The following MNS1 variants were observed in gnomAD, a reference collection of about 807,000 sequenced individuals.
The protein encoded by MNS1 is meiosis-specific nuclear structural protein 1.
Under a neutral mutation model 72.0 loss-of-function variants are expected in MNS1, and 63 were observed. The ratio of observed to expected loss-of-function variants is 0.87; its 90% CI spans 0.71 to 1.08. The LOEUF (loss-of-function observed/expected upper bound fraction) is 1.08. MNS1 is among the 50% of genes least tolerant of loss of function. The pLI is 0.00. For missense variants in MNS1, 604 were observed against 562.4 expected (o/e 1.07, Z -0.75); for synonymous variants, 188 against 172.1 (o/e 1.09, Z -0.72).
At chr15:56,451,318 A>T (rs1470479194) in intron 3 of MNS1, among the ~76,000 whole-genome samples, 2 of 152,210 alleles carry the variant, frequency 1.3e-5, no homozygotes, top group African/African-American at 4.8e-5. Flanking sequence ...AACAAGGGCT[A>T]CCTGCCTCTG....
At chr15:56,461,948 T>C (rs763169478) in intron 2 of MNS1, among the ~76,000 whole-genome samples, 10 of 146,942 alleles carry the variant, frequency 6.8e-5, no homozygotes, top group Non-Finnish European at 1.2e-4. Context: ...ATAACCCTAG[T>C]CAATAACAAA....
chr15:56,452,921 C>A (rs1352394311), intron 3 of MNS1, among the ~76,000 whole-genome samples: 6 of 152,108 alleles, frequency 3.9e-5, no homozygotes, highest in Admixed American at 1.3e-4. Flanking sequence ...AGCCAAAGAC[C>A]AAACTTGCAA....
chr15:56,462,352 T>C (rs2051028960), intron 2 of MNS1, among the ~76,000 whole-genome samples: 2 of 152,194 alleles, frequency 1.3e-5, no homozygotes, highest in Non-Finnish European at 1.5e-5. Flanking sequence ...CACTGATCAA[T>C]ACTGGCATCA....
chr15:56,453,138 T>C (rs2050959227), intron 3 of MNS1, among the ~76,000 whole-genome samples: 1 of 152,226 alleles, frequency 6.6e-6, no homozygotes, highest in African/African-American at 2.4e-5. Flanking sequence ...TGCAAGATTC[T>C]TGACTTTAAC....
chr15:56,439,505 G>A (rs2050783426), intron 7 of MNS1, among the ~76,000 whole-genome samples: 1 of 152,074 alleles, frequency 6.6e-6, no homozygotes, highest in African/African-American at 2.4e-5. Flanking sequence ...TGTAGTATTG[G>A]TGGAGGGATG....
intron 5 of MNS1, among the ~76,000 whole-genome samples, chr15:56,444,125 C>T (rs1354937567): frequency 6.6e-6 from 1 of 151,988 alleles, no homozygotes; most frequent in African/African-American, 2.4e-5. Flanking sequence ...AGCTTTGCAG[C>T]ACTCTATACT....
chr15:56,446,729 A>G (rs2050907034), intron 4 of MNS1, 112 bp downstream of exon 4: 3 of 720,778 alleles, frequency 4.2e-6, no homozygotes, highest in Non-Finnish European at 6.6e-6. Context: ...ACAAATATTT[A>G]AGAAATCTAG....
intron 3 of MNS1, 131 bp from the exon 4 acceptor site, chr15:56,447,074 G>A (rs1196485555): frequency 1.6e-6 from 1 of 629,918 alleles, no homozygotes; most frequent in African/African-American, 1.8e-5. Context: ...TAGATCCATA[G>A]GAGAAATAAT....
At chr15:56,431,343 A>AGAT in intron 9 of MNS1, 30 bp downstream of exon 9, 2 of 1,605,764 alleles carry the variant, frequency 1.2e-6, no homozygotes, top group Non-Finnish European at 1.7e-6. Flanking sequence ...CAGGTCATGA[A>AGAT]GATTACAACT....
chr15:56,463,224 TTAA>T (rs1329530925), intron 2 of MNS1, among the ~76,000 whole-genome samples: 1 of 152,176 alleles, frequency 6.6e-6, no homozygotes, highest in African/African-American at 2.4e-5. Context: ...TTTCTACCAC[TTAA>T]TAATGTATAC....
At chr15:56,439,804 G>T (rs1596258896) in intron 7 of MNS1, among the ~76,000 whole-genome samples, 1 of 141,232 alleles carries the variant, frequency 7.1e-6, no homozygotes, top group African/African-American at 2.6e-5. Flanking sequence ...AAACCTTTAG[G>T]AAAAAAAAAA....
At chr15:56,461,593 G>A (rs1278736226) in intron 2 of MNS1, among the ~76,000 whole-genome samples, 6 of 149,734 alleles carry the variant, frequency 4.0e-5, no homozygotes, top group East Asian at 2.0e-4. Context: ...CCCAGAAGGC[G>A]GAGGTTGCAG....
intron 5 of MNS1, among the ~76,000 whole-genome samples, chr15:56,444,219 G>A (rs2050868497): frequency 6.6e-6 from 1 of 152,018 alleles, no homozygotes; most frequent in Non-Finnish European, 1.5e-5. Flanking sequence ...AAAGGTTTAG[G>A]TCATTCAATC....
At chr15:56,461,232 C>G (rs530131090) in intron 2 of MNS1, among the ~76,000 whole-genome samples, 1 of 151,966 alleles carries the variant, frequency 6.6e-6, no homozygotes, top group East Asian at 1.9e-4. Flanking sequence ...ACAGAAACAC[C>G]GAGAATGATG....
intron 7 of MNS1, among the ~76,000 whole-genome samples, chr15:56,442,421 A>G (rs1271333317): frequency 5.9e-5 from 9 of 152,224 alleles, no homozygotes; most frequent in Non-Finnish European, 2.9e-5. Context: ...TCATTTTACC[A>G]TAATGACACA....
intron 7 of MNS1, among the ~76,000 whole-genome samples, chr15:56,442,868 A>G (rs1362769813): frequency 6.6e-6 from 1 of 151,960 alleles, no homozygotes; most frequent in Non-Finnish European, 1.5e-5. Context: ...AAACCAGCAC[A>G]TGTACCTCCT....
intron 7 of MNS1, among the ~76,000 whole-genome samples, chr15:56,439,941 GC>G (rs1346197809): frequency 1.3e-5 from 2 of 152,018 alleles, no homozygotes; most frequent in African/African-American, 4.8e-5. Context: ...GAAAAATCGT[GC>G]TCTAAGATCA....
chr15:56,431,036 C>T (rs989943980), intron 9 of MNS1, among the ~76,000 whole-genome samples: 1 of 152,134 alleles, frequency 6.6e-6, no homozygotes, highest in Non-Finnish European at 1.5e-5. Context: ...TGGCAAACGC[C>T]TGTAATCCCA....
intron 7 of MNS1, among the ~76,000 whole-genome samples, chr15:56,437,558 G>A (rs577981787): frequency 0.015 from 2,334 of 152,262 alleles, 30 homozygotes; most frequent in Non-Finnish European, 0.024. Context: ...ACTGGCACAA[G>A]ACAGGGATGC....
Sources: allele counts gnomAD v4.1 joint callset (sites outside exome capture counted in the v4.1 genomes callset), GRCh38; gene constraint gnomAD v4.1.1; transcripts MANE v1.5; gene names NCBI Gene and HGNC (gene_info 2026-07-23, HGNC 2026-07-21).